Variants in LEMD3 observed in about 807,000 individuals in gnomAD.
LEMD3 encodes inner nuclear membrane protein Man1.
In LEMD3, 33 loss-of-function variants were observed where a neutral mutation model predicts 95.2. That is an observed-to-expected ratio of 0.35 (90% CI 0.26 to 0.46). LEMD3 has a LOEUF of 0.46. LEMD3 is among the 20% of genes least tolerant of loss of function. LEMD3 has a pLI of 1.00. For synonymous variants in LEMD3, 525 were observed against 474.6 expected (o/e 1.11, Z -1.38); for missense variants, 1,210 against 1,192.8 (o/e 1.01, Z -0.21).
chr12:65,212,505 C>A (rs1217611093), intron 2 of LEMD3, among the ~76,000 whole-genome samples: 1 of 141,340 alleles, frequency 7.1e-6, no homozygotes, highest in East Asian at 2.0e-4. Context: ...CCACTGTACT[C>A]CAGCCTGGGC....
At chr12:65,224,892 G>A (rs548359070) in intron 4 of LEMD3, among the ~76,000 whole-genome samples, 1 of 152,066 alleles carries the variant, frequency 6.6e-6, no homozygotes, top group South Asian at 2.1e-4. Flanking sequence ...GCTTAATGGT[G>A]TCCCATTAAG....
chr12:65,219,512 C>T (rs989909518), intron 4 of LEMD3, among the ~76,000 whole-genome samples: 4 of 152,168 alleles, frequency 2.6e-5, no homozygotes, highest in South Asian at 2.1e-4. Flanking sequence ...GGCATTTGAA[C>T]GTGGACAAGT....
intron 1 of LEMD3, among the ~76,000 whole-genome samples, chr12:65,195,558 G>A (rs1308151751): frequency 1.3e-5 from 2 of 152,054 alleles, no homozygotes; most frequent in African/African-American, 4.8e-5. Context: ...AAATTTGCAT[G>A]TCTAAAGGGA....
intron 4 of LEMD3, among the ~76,000 whole-genome samples, chr12:65,238,043 C>T (rs938159844): frequency 9.1e-4 from 138 of 152,238 alleles, no homozygotes; most frequent in African/African-American, 3.2e-3. Flanking sequence ...CCAAGGCTGG[C>T]GGATCACTTG....
intron 1 of LEMD3, among the ~76,000 whole-genome samples, chr12:65,172,617 C>G (rs539426149): frequency 6.6e-6 from 1 of 152,078 alleles, no homozygotes; most frequent in African/African-American, 2.4e-5. Context: ...AAAATAAGGG[C>G]ACACTAGAAG....
At chr12:65,244,708 G>A (rs1009839276) in intron 10 of LEMD3, among the ~76,000 whole-genome samples, 3 of 152,148 alleles carry the variant, frequency 2.0e-5, no homozygotes, top group African/African-American at 7.2e-5. Flanking sequence ...AGTGCTTTGG[G>A]AAGCCGAGGT....
At position 65,233,013 on chromosome 12, in the gene LEMD3, G is replaced by A. The variant is rs1446381037; in HGVS notation, c.1696-5489G>A. ...AAAAATGAGTGTTCTGAGAAGTGGA[G>A]TGAGGGGGAAATTTTATGATAATAA... On this transcript the variant is annotated intron_variant, in intron 4 of 12. Transcript: ENST00000308330. Among the ~76,000 whole-genome samples the A allele has an allele frequency of 2.0e-5, 3 of 152,132 alleles. No individual in the cohort carries two copies. In the East Asian group the frequency reaches 5.8e-4, roughly 29 times the overall value.
chr12:65,187,668 A>G (rs1295524831), intron 1 of LEMD3, among the ~76,000 whole-genome samples: 2 of 152,086 alleles, frequency 1.3e-5, no homozygotes, highest in Non-Finnish European at 1.5e-5. Context: ...AATCTTAAGG[A>G]AGAGATAAAT....
chr12:65,193,121 G>A (rs1333339173), intron 1 of LEMD3, among the ~76,000 whole-genome samples: 3 of 152,146 alleles, frequency 2.0e-5, no homozygotes, highest in Admixed American at 6.6e-5. Flanking sequence ...GAATTCATAC[G>A]GCTCTGCAGC....
At chr12:65,214,096 C>T (rs1054313441) in intron 2 of LEMD3, among the ~76,000 whole-genome samples, 3 of 151,984 alleles carry the variant, frequency 2.0e-5, no homozygotes, top group African/African-American at 7.2e-5. Context: ...GATGGATTCT[C>T]GCTCTGTCAC....
chr12:65,225,020 C>G (rs1304655610), intron 4 of LEMD3, among the ~76,000 whole-genome samples: 1 of 152,116 alleles, frequency 6.6e-6, no homozygotes, highest in Non-Finnish European at 1.5e-5. Context: ...ATCCAGTCTG[C>G]TTTTGAACCC....
intron 1 of LEMD3, among the ~76,000 whole-genome samples, chr12:65,183,648 C>G (rs1331029417): frequency 6.6e-6 from 1 of 152,152 alleles, no homozygotes; most frequent in East Asian, 1.9e-4. Context: ...AAATCTGACC[C>G]TAAAACCGCT....
intron 1 of LEMD3, among the ~76,000 whole-genome samples, chr12:65,174,048 G>A (rs184828289): frequency 9.2e-5 from 14 of 152,172 alleles, no homozygotes; most frequent in Admixed American, 3.9e-4. Flanking sequence ...AGGGAAATAC[G>A]TTTACTTTGA....
intron 8 of LEMD3, 21 bp downstream of exon 8, chr12:65,240,259 G>C: frequency 6.5e-7 from 1 of 1,543,260 alleles, no homozygotes. Flanking sequence ...AGCATTATGA[G>C]TTCAAGTAAA....
chr12:65,191,902 G>A (rs1374875970), intron 1 of LEMD3, among the ~76,000 whole-genome samples: 2 of 141,550 alleles, frequency 1.4e-5, no homozygotes, highest in Non-Finnish European at 3.0e-5. Flanking sequence ...TCAAGCCTGG[G>A]CAACAGAGCC....
intron 9 of LEMD3, 57 bp downstream of exon 9, chr12:65,241,144 A>G (rs1870926145): frequency 8.3e-6 from 12 of 1,437,308 alleles, no homozygotes; most frequent in East Asian, 4.6e-5. Flanking sequence ...AAAATGACAA[A>G]TATGTGTTAA....
intron 9 of LEMD3, 56 bp downstream of exon 9, chr12:65,241,143 A>C (rs1870926055): frequency 7.0e-7 from 1 of 1,438,112 alleles, no homozygotes; most frequent in African/African-American, 1.4e-5. Flanking sequence ...CAAAATGACA[A>C]ATATGTGTTA....
At chr12:65,209,298 A>G (rs1319509360) in intron 1 of LEMD3, among the ~76,000 whole-genome samples, 3 of 151,984 alleles carry the variant, frequency 2.0e-5, no homozygotes, top group Non-Finnish European at 4.4e-5. Context: ...TGTATAATCA[A>G]AAAAGCAATA....
chr12:65,176,529 A>G (rs139768653), intron 1 of LEMD3, among the ~76,000 whole-genome samples: 6 of 152,310 alleles, frequency 3.9e-5, no homozygotes, highest in East Asian at 1.9e-4. Context: ...TGCATCCTTC[A>G]TAGTATTTAG....
Sources: allele counts gnomAD v4.1 joint callset (sites outside exome capture counted in the v4.1 genomes callset), GRCh38; gene constraint gnomAD v4.1.1; transcripts MANE v1.5; gene names NCBI Gene and HGNC (gene_info 2026-07-23, HGNC 2026-07-21).